The following CDC123 variants were observed in gnomAD, a reference collection of about 807,000 sequenced individuals.
The protein encoded by CDC123 is translation initiation factor eIF2 assembly protein.
A neutral mutation model predicts 54.4 loss-of-function variants in CDC123; 37 were observed. That is an observed-to-expected ratio of 0.68 (90% CI 0.52 to 0.89). CDC123 has a LOEUF of 0.89. CDC123 is among the 40% of genes least tolerant of loss of function. The pLI is 0.00. For missense variants in CDC123, 361 were observed against 412.1 expected (o/e 0.88, Z 1.07); for synonymous variants, 144 against 136.8 (o/e 1.05, Z -0.37).
At chr10:12,219,921 C>A (rs1835712929) in intron 6 of CDC123, among the ~76,000 whole-genome samples, 1 of 152,146 alleles carries the variant, frequency 6.6e-6, no homozygotes, top group East Asian at 1.9e-4. Context: ...ATCTCCTCAC[C>A]TCGTGATCCG....
intron 7 of CDC123, among the ~76,000 whole-genome samples, chr10:12,233,912 A>T (rs1442977162): frequency 1.3e-5 from 2 of 151,956 alleles, no homozygotes; most frequent in African/African-American, 2.4e-5. Context: ...CAGTAATAAG[A>T]CCCATTTGTG....
At chr10:12,222,324 G>A (rs944324852) in intron 6 of CDC123, among the ~76,000 whole-genome samples, 4 of 152,148 alleles carry the variant, frequency 2.6e-5, no homozygotes, top group Admixed American at 6.5e-5. Flanking sequence ...AGTGGAGGTT[G>A]ACATATGACA....
intron 6 of CDC123, 147 bp downstream of exon 6, chr10:12,217,614 C>A (rs954191045): frequency 2.7e-6 from 2 of 744,516 alleles, no homozygotes; most frequent in Non-Finnish European, 4.0e-6. Context: ...CCTGTTAAAG[C>A]AAATCTTTCT....
At chr10:12,249,361 C>T (rs1441640798) in intron 11 of CDC123, among the ~76,000 whole-genome samples, 1 of 152,088 alleles carries the variant, frequency 6.6e-6, no homozygotes, top group Non-Finnish European at 1.5e-5. Flanking sequence ...TCACCTGAGC[C>T]CAGGAGGTCG....
intron 2 of CDC123, among the ~76,000 whole-genome samples, chr10:12,205,488 C>T (rs781747225): frequency 6.6e-6 from 1 of 152,168 alleles, no homozygotes; most frequent in Non-Finnish European, 1.5e-5. Context: ...ATATAGGATC[C>T]TCAACCAGTA....
intron 9 of CDC123, 154 bp downstream of exon 9, chr10:12,237,420 T>C: frequency 1.8e-6 from 1 of 557,658 alleles, no homozygotes; most frequent in Non-Finnish European, 2.7e-6. Context: ...ATAGTTTGTA[T>C]GTTAATTTCT....
At chr10:12,202,751 A>C (rs1835456901) in intron 2 of CDC123, among the ~76,000 whole-genome samples, 1 of 152,242 alleles carries the variant, frequency 6.6e-6, no homozygotes, top group East Asian at 1.9e-4. Flanking sequence ...GTGGTGGCTC[A>C]CGCCTGTAAT....
chr10:12,226,242 G>C (rs111511448), intron 6 of CDC123, among the ~76,000 whole-genome samples: 1 of 152,026 alleles, frequency 6.6e-6, no homozygotes, highest in Admixed American at 6.5e-5. Context: ...AACCGCCATC[G>C]TCATCATGGC....
At chr10:12,231,829 C>G (rs561185737) in intron 7 of CDC123, among the ~76,000 whole-genome samples, 1 of 152,060 alleles carries the variant, frequency 6.6e-6, no homozygotes, top group East Asian at 1.9e-4. Flanking sequence ...ATGAATGGAT[C>G]TGAAACATAA....
chr10:12,208,882 C>G (rs985749628), intron 2 of CDC123, among the ~76,000 whole-genome samples: 2 of 152,134 alleles, frequency 1.3e-5, no homozygotes, highest in East Asian at 3.9e-4. Flanking sequence ...ATTTTCCCCT[C>G]TCTCTCTCAC....
intron 6 of CDC123, among the ~76,000 whole-genome samples, chr10:12,224,090 A>C (rs930202199): frequency 6.6e-6 from 1 of 151,538 alleles, no homozygotes; most frequent in Non-Finnish European, 1.5e-5. Context: ...CTTAGCTCCC[A>C]CTTACAAGTG....
chr10:12,231,053 T>A, intron 7 of CDC123, 57 bp downstream of exon 7: 1 of 1,435,676 alleles, frequency 7.0e-7, no homozygotes, highest in Non-Finnish European at 9.6e-7. Flanking sequence ...GAATTGCTAT[T>A]TATTCTTAAG....
At chr10:12,203,315 T>G (rs1317549) in intron 2 of CDC123, among the ~76,000 whole-genome samples, 84,696 of 152,134 alleles carry the variant, frequency 0.56, 24,319 homozygotes, top group Middle Eastern at 0.66. Flanking sequence ...ACAGTTAGAA[T>G]TTAGCACATA....
chr10:12,197,628 C>CAAAGT (rs779276436), intron 1 of CDC123, among the ~76,000 whole-genome samples: 5,069 of 152,052 alleles, frequency 0.033, 144 homozygotes, highest in Non-Finnish European at 0.048. Flanking sequence ...CCGCCCGCCT[C>CAAAGT]GGCCTCCCAA....
At chr10:12,209,317 G>A (rs1835564772) in intron 2 of CDC123, among the ~76,000 whole-genome samples, 1 of 152,038 alleles carries the variant, frequency 6.6e-6, no homozygotes, top group African/African-American at 2.4e-5. Context: ...GGTCATTGTA[G>A]CCTCAAACTC....
intron 4 of CDC123, among the ~76,000 whole-genome samples, chr10:12,212,205 A>G (rs1485219730): frequency 6.6e-6 from 1 of 152,232 alleles, no homozygotes; most frequent in African/African-American, 2.4e-5. Flanking sequence ...AGAATCAATG[A>G]CATGTAACAT....
At chr10:12,248,989 T>C (rs189297183) in intron 11 of CDC123, among the ~76,000 whole-genome samples, 40 of 152,006 alleles carry the variant, frequency 2.6e-4, no homozygotes, top group Admixed American at 8.5e-4. Context: ...CGCGCGCCTG[T>C]AGTCCCAGCT....
intron 5 of CDC123, 48 bp downstream of exon 5, chr10:12,215,883 T>C: frequency 7.9e-7 from 1 of 1,270,978 alleles, no homozygotes; most frequent in Non-Finnish European, 1.1e-6. Context: ...TTCTTTGTTT[T>C]GCTGTTTATT....
intron 6 of CDC123, among the ~76,000 whole-genome samples, chr10:12,228,729 C>G (rs1488185090): frequency 6.6e-6 from 1 of 152,192 alleles, no homozygotes; most frequent in Non-Finnish European, 1.5e-5. Flanking sequence ...CACCACCACA[C>G]CCAGCTAATT....
Sources: gnomAD v4.1 joint callset for allele counts (sites outside exome capture counted in the v4.1 genomes callset) on GRCh38, gnomAD v4.1.1 for gene constraint, MANE v1.5 for transcripts, NCBI Gene and HGNC (gene_info 2026-07-23, HGNC 2026-07-21) for gene names.